The following FGGY variants were observed in gnomAD, a reference collection of about 807,000 sequenced individuals.
FGGY encodes FGGY carbohydrate kinase domain-containing protein.
Under a neutral mutation model 71.3 loss-of-function variants are expected in FGGY, and 72 were observed. The ratio of observed to expected loss-of-function variants is 1.01; its 90% CI spans 0.84 to 1.23. FGGY has a LOEUF of 1.23. Among genes scored for constraint, FGGY ranks in the 50% most tolerant of loss-of-function variants. FGGY has a pLI of 0.00. For synonymous variants in FGGY, 251 were observed against 250.3 expected, an observed-to-expected ratio of 1.00 and a Z score of -0.02; for missense variants, 668 against 682.3, an observed-to-expected ratio of 0.98 and a Z score of 0.23.
At chr1:59,305,779 G>A (rs1352825021) in intron 1 of FGGY, among the ~76,000 whole-genome samples, 1 of 152,014 alleles carries the variant, frequency 6.6e-6, no homozygotes, top group East Asian at 1.9e-4. Context: ...ATCCTTTTTG[G>A]TGCTTCTGCC....
intron 6 of FGGY, among the ~76,000 whole-genome samples, chr1:59,463,698 A>G (rs1415688713): frequency 6.9e-6 from 1 of 145,172 alleles, no homozygotes; most frequent in Non-Finnish European, 1.5e-5. Flanking sequence ...AAAAAAAAAA[A>G]GGCAGGGGTT....
At chr1:59,458,864 T>C (rs1396154552) in intron 6 of FGGY, among the ~76,000 whole-genome samples, 1 of 152,238 alleles carries the variant, frequency 6.6e-6, no homozygotes, top group Admixed American at 6.5e-5. Flanking sequence ...AGAGGCTGTT[T>C]ATTCTCAGTT....
intron 4 of FGGY, among the ~76,000 whole-genome samples, chr1:59,370,097 C>G (rs923776015): frequency 8.5e-5 from 13 of 152,106 alleles, no homozygotes; most frequent in Admixed American, 8.5e-4. Context: ...AAGAAGGCTT[C>G]AGAAGATGAA....
chr1:59,586,673 A>C (rs955587737), intron 8 of FGGY, among the ~76,000 whole-genome samples: 2 of 152,090 alleles, frequency 1.3e-5, no homozygotes, highest in Non-Finnish European at 2.9e-5. Context: ...AAAATAAAAG[A>C]CCACGTGAAA....
At position 59,646,979 on chromosome 1, in the gene FGGY, T is replaced by C. The variant is rs1285374679; in HGVS notation, c.1221+8604T>C. Among the ~76,000 whole-genome samples the C allele has an allele frequency of 2.6e-5, 4 of 152,242 alleles. No individual in the cohort carries two copies. In the East Asian group the frequency reaches 7.7e-4, roughly 29 times the overall value. ...TAAATTCTATCACAGAATCAGACTT[T>C]CCTTTCTTACTGCTCCTTTATCTTT... On this transcript the variant is annotated intron_variant, in intron 11 of 15. Coordinates refer to ENST00000303721, the MANE Select transcript of FGGY (RefSeq NM_018291.5).
intron 15 of FGGY, among the ~76,000 whole-genome samples, chr1:59,759,101 G>T (rs1336184049): frequency 6.6e-6 from 1 of 152,182 alleles, no homozygotes; most frequent in Admixed American, 6.5e-5. Context: ...TTGTGGAAGT[G>T]CTTTTATAAT....
chr1:59,468,927 G>C (rs2092793654), intron 6 of FGGY, among the ~76,000 whole-genome samples: 1 of 150,978 alleles, frequency 6.6e-6, no homozygotes, highest in Admixed American at 6.6e-5. Context: ...ATAGGTATAT[G>C]CTGGGGACAT....
intron 7 of FGGY, among the ~76,000 whole-genome samples, chr1:59,516,130 T>C (rs2094643029): frequency 6.6e-6 from 1 of 152,154 alleles, no homozygotes; most frequent in Non-Finnish European, 1.5e-5. Flanking sequence ...CCCTTCACCT[T>C]ACAGCCAATC....
intron 14 of FGGY, among the ~76,000 whole-genome samples, chr1:59,714,562 T>C (rs2097828267): frequency 3.9e-5 from 6 of 152,222 alleles, no homozygotes; most frequent in Admixed American, 3.9e-4. Flanking sequence ...CTCTGGCACA[T>C]GTGGAATTAA....
chr1:59,618,325 G>C (rs553272864), intron 9 of FGGY, among the ~76,000 whole-genome samples: 41 of 152,258 alleles, frequency 2.7e-4, no homozygotes, highest in African/African-American at 9.4e-4. Flanking sequence ...TATGTGGTCA[G>C]TGTTGTTATA....
intron 14 of FGGY, among the ~76,000 whole-genome samples, chr1:59,705,398 C>A (rs982982925): frequency 3.3e-5 from 5 of 152,092 alleles, no homozygotes; most frequent in Non-Finnish European, 7.3e-5. Context: ...CTTTTATGTG[C>A]CCAAGAGTTT....
At chr1:59,621,408 T>C (rs2096804872) in intron 9 of FGGY, among the ~76,000 whole-genome samples, 1 of 143,750 alleles carries the variant, frequency 7.0e-6, no homozygotes, top group Non-Finnish European at 1.5e-5. Context: ...AATTTGAGTT[T>C]CCATGTGATA....
intron 7 of FGGY, among the ~76,000 whole-genome samples, chr1:59,521,139 C>T (rs2094819961): frequency 6.6e-6 from 1 of 152,142 alleles, no homozygotes; most frequent in African/African-American, 2.4e-5. Flanking sequence ...CTGGGAGTTC[C>T]TGGATGTGAA....
At chr1:59,424,622 T>C (rs865899454) in intron 5 of FGGY, among the ~76,000 whole-genome samples, 1 of 152,266 alleles carries the variant, frequency 6.6e-6, no homozygotes, top group Middle Eastern at 3.4e-3. Flanking sequence ...GCTTGTTTGG[T>C]GCTGGTAATA....
chr1:59,309,724 C>T (rs369090822), intron 1 of FGGY, among the ~76,000 whole-genome samples: 2 of 152,050 alleles, frequency 1.3e-5, no homozygotes, highest in African/African-American at 4.8e-5. Flanking sequence ...GCCTGTAATC[C>T]CAGCACTTTG....
intron 8 of FGGY, among the ~76,000 whole-genome samples, chr1:59,563,989 G>C (rs1194493452): frequency 6.6e-6 from 1 of 152,196 alleles, no homozygotes; most frequent in Non-Finnish European, 1.5e-5. Flanking sequence ...CTAGCCATAT[G>C]CAGAAAACTG....
chr1:59,606,449 G>C (rs182633875), intron 8 of FGGY, among the ~76,000 whole-genome samples: 2 of 152,126 alleles, frequency 1.3e-5, no homozygotes, highest in South Asian at 4.1e-4. Flanking sequence ...CTCACCTTAC[G>C]GCAGTTACAG....
chr1:59,730,997 C>G (rs888548947), intron 14 of FGGY, among the ~76,000 whole-genome samples: 3 of 152,180 alleles, frequency 2.0e-5, no homozygotes, highest in Non-Finnish European at 2.9e-5. Context: ...TTAAGTGACT[C>G]GACAAAATGT....
intron 14 of FGGY, among the ~76,000 whole-genome samples, chr1:59,757,392 A>T (rs935873894): frequency 1.9e-4 from 29 of 152,208 alleles, no homozygotes; most frequent in African/African-American, 5.5e-4. Flanking sequence ...CAAGTCACTT[A>T]GACTCAGCCC....
Sources: allele counts gnomAD v4.1 joint callset (sites outside exome capture counted in the v4.1 genomes callset), GRCh38; gene constraint gnomAD v4.1.1; transcripts MANE v1.5; gene names NCBI Gene and HGNC (gene_info 2026-07-23, HGNC 2026-07-21).